TNFRSF8: variants seen among roughly 807,000 people sequenced by gnomAD.
The protein encoded by TNFRSF8 is TNF receptor superfamily member 8.
In TNFRSF8, 26 loss-of-function variants were observed where a neutral mutation model predicts 70.8. The observed-to-expected ratio is 0.37, with a 90% CI of 0.27 to 0.51. The LOEUF (loss-of-function observed/expected upper bound fraction) is 0.51. Ranked by LOEUF, TNFRSF8 falls within the 20% of genes least tolerant of loss-of-function variation. The pLI, the probability that TNFRSF8 is intolerant of heterozygous loss-of-function variation, is 0.94. For missense variants in TNFRSF8, 720 were observed against 807.9 expected (o/e 0.89, Z 1.32); for synonymous variants, 356 against 339.2 (o/e 1.05, Z -0.54).
chr1:12,066,307 T>TAA (rs200458388), intron 1 of TNFRSF8, among the ~76,000 whole-genome samples: 1 of 150,740 alleles, frequency 6.6e-6, no homozygotes, highest in African/African-American at 2.4e-5. Context: ...GCTCGTTATT[T>TAA]TAAAAAAAAA....
intron 12 of TNFRSF8, among the ~76,000 whole-genome samples, chr1:12,131,293 T>TA (rs1284960372): frequency 6.6e-6 from 1 of 151,680 alleles, no homozygotes; most frequent in East Asian, 1.9e-4. Flanking sequence ...CTACTAAAAA[T>TA]AAAAAAATTA....
intron 4 of TNFRSF8, among the ~76,000 whole-genome samples, chr1:12,106,642 G>C (rs1021147456): frequency 1.3e-5 from 2 of 152,086 alleles, no homozygotes; most frequent in African/African-American, 2.4e-5. Context: ...CGAGCTGGTG[G>C]GGGGGTGGAG....
chr1:12,139,304 C>G (rs1413640390), intron 14 of TNFRSF8, among the ~76,000 whole-genome samples: 1 of 152,192 alleles, frequency 6.6e-6, no homozygotes, highest in Non-Finnish European at 1.5e-5. Flanking sequence ...TGTCCCTCCC[C>G]CTCATGGCAG....
intron 1 of TNFRSF8, among the ~76,000 whole-genome samples, chr1:12,069,851 C>G (rs1640811750): frequency 6.6e-6 from 1 of 152,074 alleles, no homozygotes. Flanking sequence ...ACGGGCGGCT[C>G]CCTAAGATGG....
In TNFRSF8 at chr1:12,097,186, C is replaced by A. The variant is rs1472974950; in HGVS notation, c.237C>A (p.Asp79Glu). 4 of 1,613,956 alleles carry A rather than the reference C, an allele frequency of 2.5e-6. No homozygotes were observed. In the East Asian group the frequency reaches 8.9e-5, roughly 36 times the overall value. The change falls in exon 3 of 15, where the codon GAC (aspartate) becomes GAA (glutamate). Residue 79 changes from aspartate to glutamate, a missense_variant. Transcript: ENST00000263932. ...CTGACTACTACCTGGATGAGGCCGA[C>A]CGCTGTACAGCCTGCGTGACTTGTT... ...CEPDYYLDEA[D>E]RCTACVTCSR... is the part of the protein sequence containing the mutation.
At position 12,088,567 on chromosome 1, in the gene TNFRSF8, T is replaced by C. The variant is rs1313063892; in HGVS notation, c.151+4016T>C. On this transcript the variant is annotated intron_variant, in intron 2 of 14. Coordinates refer to ENST00000263932, the MANE Select transcript of TNFRSF8 (RefSeq NM_001243.5). This position sits in a 1 kb window ranked among gnomAD's most constrained non-coding sequence, Gnocchi z 4.0. ...GCGGGGGCTACAAAGCCCTTCCTGT[T>C]CTCCATCTTCCTGGACTACCCTCTC... is the stretch of plus-strand genomic sequence containing the variant. Among the ~76,000 whole-genome samples the C allele has an allele frequency of 1.3e-5, 2 of 152,178 alleles. No individual in the cohort carries two copies. Among genetic ancestry groups the C allele is most frequent in the Non-Finnish European group, 2.9e-5 (2 of 68,030 alleles).
At chr1:12,131,684 A>G (rs72863418) in intron 12 of TNFRSF8, among the ~76,000 whole-genome samples, 4,415 of 151,168 alleles carry the variant, frequency 0.029, 237 homozygotes, top group African/African-American at 0.1. Flanking sequence ...TGTAGAGACC[A>G]GGTCTCCCTT....
intron 6 of TNFRSF8, among the ~76,000 whole-genome samples, chr1:12,111,033 T>G (rs1209246023): frequency 6.6e-6 from 1 of 152,244 alleles, no homozygotes; most frequent in Non-Finnish European, 1.5e-5. Flanking sequence ...TTTGCGTGTA[T>G]GTGCTTTCCT....
In TNFRSF8 at chr1:12,142,146, G is replaced by C; in HGVS notation, c.1544-141G>C. 2 of 1,210,444 alleles carry C rather than the reference G, an allele frequency of 1.7e-6. No individual in the cohort carries two copies. The highest frequency in any genetic ancestry group is 1.5e-5 in the African/African-American group (1 of 65,054). 75.0% of individuals were successfully genotyped at this position (1,210,444 alleles called of 1,614,324 possible). ...TCTGAGCCCCCAGGATGCCTGTAAG[G>C]TACATCAGAGAGGCTGTGCCATCAG... On this transcript the variant is annotated intron_variant, in intron 14 of 14. Coordinates refer to ENST00000263932, the MANE Select transcript of TNFRSF8 (RefSeq NM_001243.5). The surrounding 1 kb of genome is among the most constrained non-coding windows in gnomAD (Gnocchi z 5.0).
rs72641056 is a variant in TNFRSF8 at position 12,074,634 on chromosome 1, C to T, written c.64-9830C>T. ...TGAGAAAAAAAGGTTCTATGGCCAA[C>T]GAAGTTTGAGAAACATTGCAGAGTT... On this transcript the variant is annotated intron_variant, in intron 1 of 14. Coordinates refer to ENST00000263932, the MANE Select transcript of TNFRSF8 (RefSeq NM_001243.5). Among the ~76,000 whole-genome samples, 406 of 152,222 alleles carry T rather than the reference C, an allele frequency of 2.7e-3. 2 individuals carry two copies. The highest frequency in any genetic ancestry group is 6.8e-3 in the Middle Eastern group (2 of 294).
At chr1:12,114,596 G>A (rs1378842980) in intron 7 of TNFRSF8, among the ~76,000 whole-genome samples, 1 of 146,614 alleles carries the variant, frequency 6.8e-6, no homozygotes, top group Non-Finnish European at 1.5e-5. Flanking sequence ...TAAGTGGAGC[G>A]TTGCAAAATA....
intron 4 of TNFRSF8, among the ~76,000 whole-genome samples, chr1:12,104,940 G>A (rs1641493928): frequency 6.6e-6 from 1 of 152,194 alleles, no homozygotes; most frequent in African/African-American, 2.4e-5. Context: ...TCTGGCCCCA[G>A]GCTCAAGACT....
intron 2 of TNFRSF8, among the ~76,000 whole-genome samples, chr1:12,086,841 T>C (rs1225986843): frequency 6.6e-6 from 1 of 151,820 alleles, no homozygotes; most frequent in African/African-American, 2.4e-5. Context: ...TCCCCCTGGA[T>C]TAGGGCCCCA....
intron 8 of TNFRSF8, among the ~76,000 whole-genome samples, chr1:12,117,038 T>C (rs11569900): frequency 0.018 from 2,755 of 152,262 alleles, 87 homozygotes; most frequent in African/African-American, 0.062. Flanking sequence ...CACTGACCAG[T>C]TTGCACAGAT....
At chr1:12,125,594 C>G (rs1158534549) in intron 10 of TNFRSF8, among the ~76,000 whole-genome samples, 1 of 152,208 alleles carries the variant, frequency 6.6e-6, no homozygotes, top group Non-Finnish European at 1.5e-5. Context: ...TGGCCCTCCC[C>G]ACCCTGACTC....
At chr1:12,095,381 G>A (rs993028029) in intron 2 of TNFRSF8, among the ~76,000 whole-genome samples, 1 of 150,990 alleles carries the variant, frequency 6.6e-6, no homozygotes, top group Non-Finnish European at 1.5e-5. Flanking sequence ...TCCGCCTCCC[G>A]GGTTCAAGTG....
intron 8 of TNFRSF8, among the ~76,000 whole-genome samples, chr1:12,121,845 G>A (rs1217805688): frequency 6.6e-6 from 1 of 152,236 alleles, no homozygotes; most frequent in Non-Finnish European, 1.5e-5. Context: ...ATCAACTAGC[G>A]AACGGGTATG....
At chr1:12,095,898 C>T (rs1177927295) in intron 2 of TNFRSF8, among the ~76,000 whole-genome samples, 1 of 152,254 alleles carries the variant, frequency 6.6e-6, no homozygotes, top group Non-Finnish European at 1.5e-5. Flanking sequence ...CTGGCTTCTG[C>T]TGGCTTCTGA....
intron 4 of TNFRSF8, 81 bp downstream of exon 4, chr1:12,104,612 A>T: frequency 6.5e-7 from 1 of 1,538,394 alleles, no homozygotes; most frequent in Non-Finnish European, 8.9e-7. Flanking sequence ...TGCACTGTTG[A>T]CTTCCGACCT....
Sources: allele counts gnomAD v4.1 joint callset (sites outside exome capture counted in the v4.1 genomes callset), GRCh38; gene constraint gnomAD v4.1.1; non-coding constraint Gnocchi (gnomAD v3.1); transcripts MANE v1.5; gene names NCBI Gene and HGNC (gene_info 2026-07-23, HGNC 2026-07-21).